PHF20: variants seen among roughly 807,000 people sequenced by gnomAD.
The protein encoded by PHF20 is PHD finger protein 20, also known as glioma-expressed antigen 2.
Under a neutral mutation model 113.5 loss-of-function variants are expected in PHF20, and 23 were observed. The ratio of observed to expected loss-of-function variants is 0.20; its 90% confidence interval spans 0.15 to 0.29. The LOEUF (loss-of-function observed/expected upper bound fraction) is 0.29. Among genes scored for constraint, PHF20 ranks in the 10% least tolerant of loss-of-function variants. The pLI is 1.00. For synonymous variants in PHF20, 434 were observed against 457.3 expected, an observed-to-expected ratio of 0.95 and a Z score of 0.65; for missense variants, 943 against 1,219.6, an observed-to-expected ratio of 0.77 and a Z score of 3.38.
At chr20:35,774,219 A>G (rs1220131746) in intron 1 of PHF20, among the ~76,000 whole-genome samples, 1 of 151,708 alleles carries the variant, frequency 6.6e-6, no homozygotes. Flanking sequence ...AGCAGCTGGG[A>G]CTACAGGCAC....
At chr20:35,944,241 GC>G (rs2056044848) in intron 17 of PHF20, among the ~76,000 whole-genome samples, 1 of 152,144 alleles carries the variant, frequency 6.6e-6, no homozygotes, top group Non-Finnish European at 1.5e-5. Context: ...CACAGTCCTG[GC>G]TTTGTTCTTC....
intron 9 of PHF20, among the ~76,000 whole-genome samples, chr20:35,895,229 G>T (rs1438829982): frequency 6.6e-6 from 1 of 152,212 alleles, no homozygotes; most frequent in Middle Eastern, 3.4e-3. Flanking sequence ...TTACCATGTT[G>T]GCCAGGCTGG....
chr20:35,880,306 G>A (rs1180576280), intron 9 of PHF20, among the ~76,000 whole-genome samples: 2 of 152,168 alleles, frequency 1.3e-5, no homozygotes, highest in Non-Finnish European at 2.9e-5. Flanking sequence ...TGACCATAGG[G>A]CGATTTCTGA....
intron 4 of PHF20, among the ~76,000 whole-genome samples, chr20:35,848,262 A>AT (rs1002404225): frequency 1.3e-5 from 2 of 149,954 alleles, no homozygotes; most frequent in Admixed American, 6.7e-5. Context: ...TCTGAGAATG[A>AT]TTTTTTTTTT....
intron 2 of PHF20, among the ~76,000 whole-genome samples, chr20:35,802,491 G>A (rs1423158637): frequency 2.0e-5 from 3 of 151,864 alleles, no homozygotes; most frequent in African/African-American, 7.3e-5. Flanking sequence ...CACCATGCCT[G>A]GCTAATTCCT....
intron 2 of PHF20, among the ~76,000 whole-genome samples, chr20:35,832,585 G>C (rs1465030372): frequency 1.3e-5 from 2 of 152,164 alleles, no homozygotes; most frequent in African/African-American, 4.8e-5. Context: ...TGAGGCTATG[G>C]GAGGATAAGG....
chr20:35,853,880 G>C (rs917931732), intron 4 of PHF20, among the ~76,000 whole-genome samples: 8 of 151,410 alleles, frequency 5.3e-5, no homozygotes, highest in African/African-American at 1.9e-4. Context: ...TCAGCCTCCC[G>C]AGTAGCTGGG....
chr20:35,939,229 A>G (rs1341336021), intron 16 of PHF20, 121 bp downstream of exon 16: 1 of 1,212,964 alleles, frequency 8.2e-7, no homozygotes, highest in Non-Finnish European at 1.1e-6. Context: ...TTTGCTTACC[A>G]TAGATATGTT....
intron 9 of PHF20, among the ~76,000 whole-genome samples, chr20:35,872,171 C>A (rs1198499467): frequency 6.9e-6 from 1 of 145,494 alleles, no homozygotes; most frequent in Non-Finnish European, 1.5e-5. Flanking sequence ...GATCTTTCTT[C>A]CTTTTTTTTT....
At chr20:35,785,964 G>T (rs1219300140) in intron 1 of PHF20, among the ~76,000 whole-genome samples, 2 of 150,586 alleles carry the variant, frequency 1.3e-5, no homozygotes, top group Non-Finnish European at 3.0e-5. Flanking sequence ...CCCGGGAGGC[G>T]GAGGTTGCAG....
chr20:35,828,485 A>G (rs949312011), intron 2 of PHF20, among the ~76,000 whole-genome samples: 1 of 152,162 alleles, frequency 6.6e-6, no homozygotes, highest in Non-Finnish European at 1.5e-5. Context: ...CCTGCCAAGC[A>G]CTGTCTGGCT....
chr20:35,883,042 AAG>A (rs1242499573), intron 9 of PHF20, among the ~76,000 whole-genome samples: 23 of 151,322 alleles, frequency 1.5e-4, no homozygotes, highest in Middle Eastern at 6.8e-3. Context: ...AAAAAAAAAA[AAG>A]AAAAAAGAAA....
chr20:35,790,255 C>A (rs1301673996), intron 1 of PHF20, among the ~76,000 whole-genome samples: 1 of 151,790 alleles, frequency 6.6e-6, no homozygotes, highest in Non-Finnish European at 1.5e-5. Flanking sequence ...GGCTGGAGTG[C>A]AATGGTGTGA....
chr20:35,859,814 G>C (rs538999496), intron 5 of PHF20, among the ~76,000 whole-genome samples: 1 of 152,318 alleles, frequency 6.6e-6, no homozygotes, highest in East Asian at 1.9e-4. Flanking sequence ...CAAAATGCTA[G>C]GATTACAGGC....
intron 2 of PHF20, among the ~76,000 whole-genome samples, chr20:35,840,265 T>G (rs1396143080): frequency 1.3e-5 from 2 of 152,210 alleles, no homozygotes; most frequent in African/African-American, 4.8e-5. Flanking sequence ...TAACCGTTTA[T>G]TTTTTGGAAT....
chr20:35,933,701 T>G (rs1378231927), intron 15 of PHF20, among the ~76,000 whole-genome samples: 2 of 152,108 alleles, frequency 1.3e-5, no homozygotes, highest in African/African-American at 4.8e-5. Flanking sequence ...CTGGCCTAAT[T>G]TTTGTATTTT....
intron 13 of PHF20, among the ~76,000 whole-genome samples, chr20:35,924,562 G>A (rs1378468030): frequency 2.6e-5 from 4 of 151,466 alleles, no homozygotes; most frequent in Admixed American, 2.6e-4. Context: ...TTTATTTTCT[G>A]CATAATGGTT....
At chr20:35,882,214 T>A (rs2054648429) in intron 9 of PHF20, among the ~76,000 whole-genome samples, 1 of 152,174 alleles carries the variant, frequency 6.6e-6, no homozygotes, top group Admixed American at 6.6e-5. Flanking sequence ...GTACCCAAAC[T>A]TTTATATACC....
chr20:35,814,512 C>T (rs1230414854), intron 2 of PHF20, among the ~76,000 whole-genome samples: 4 of 151,278 alleles, frequency 2.6e-5, no homozygotes, highest in African/African-American at 7.3e-5. Flanking sequence ...CCGCTGCGCC[C>T]GGCCTATAAT....
Sources: gnomAD v4.1 joint callset for allele counts (sites outside exome capture counted in the v4.1 genomes callset) on GRCh38, gnomAD v4.1.1 for gene constraint, MANE v1.5 for transcripts, NCBI Gene and HGNC (gene_info 2026-07-23, HGNC 2026-07-21) for gene names.